HDX: variants seen among roughly 807,000 people sequenced by gnomAD.
The protein encoded by HDX is chromosome X open reading frame 43.
Under a neutral mutation model 45.2 loss-of-function variants are expected in HDX, and 19 were observed. The observed-to-expected ratio is 0.42, with a 90% CI of 0.29 to 0.62. HDX has a LOEUF of 0.62. Among genes scored for constraint, HDX ranks in the 20% least tolerant of loss-of-function variants. HDX has a pLI of 0.20. For synonymous variants in HDX, 188 were observed against 172.8 expected, an observed-to-expected ratio of 1.09 and a Z score of -0.69; for missense variants, 532 against 493.9, an observed-to-expected ratio of 1.08 and a Z score of -0.73.
intron 5 of HDX, among the ~76,000 whole-genome samples, chrX:84,383,697 C>A (rs1483596075): frequency 3.6e-5 from 4 of 111,237 alleles, no homozygotes; most frequent in East Asian, 2.8e-4. Context: ...CAATCTTTGA[C>A]CCCCTCTCTC....
At chrX:84,473,602 G>A (rs2040491449) in intron 3 of HDX, among the ~76,000 whole-genome samples, 1 of 110,680 alleles carries the variant, frequency 9.0e-6, no homozygotes, top group African/African-American at 3.3e-5. Context: ...ACCATTTTGA[G>A]CATAAATATA....
At chrX:84,436,751 A>C (rs944834620) in intron 5 of HDX, among the ~76,000 whole-genome samples, 3 of 111,795 alleles carry the variant, frequency 2.7e-5, no homozygotes, top group Non-Finnish European at 5.6e-5. Context: ...ACCTATAGTT[A>C]ATCCTAGTGA....
At chrX:84,435,198 T>A (rs991684891) in intron 5 of HDX, among the ~76,000 whole-genome samples, 28 of 111,479 alleles carry the variant, frequency 2.5e-4, no homozygotes, top group Non-Finnish European at 4.9e-4. Flanking sequence ...TTCTACTAAT[T>A]TTGGATCTGG....
chrX:84,332,505 A>C (rs1278892080), intron 9 of HDX, among the ~76,000 whole-genome samples: 1 of 110,772 alleles, frequency 9.0e-6, no homozygotes, highest in Non-Finnish European at 1.9e-5. Context: ...CTGCCACCCA[A>C]GAGGGGAGAG....
chrX:84,463,410 A>C (rs1232372970), intron 4 of HDX, among the ~76,000 whole-genome samples: 1 of 111,152 alleles, frequency 9.0e-6, no homozygotes, highest in Non-Finnish European at 1.9e-5. Flanking sequence ...AAAAGCACTA[A>C]AGTCCACAAG....
intron 6 of HDX, among the ~76,000 whole-genome samples, chrX:84,358,502 C>T (rs913557531): frequency 1.8e-5 from 2 of 111,388 alleles, no homozygotes; most frequent in African/African-American, 3.3e-5. Context: ...TCTTGCTAGA[C>T]TCTGAGCTCC....
intron 2 of HDX, among the ~76,000 whole-genome samples, chrX:84,480,843 T>A (rs1369369750): frequency 1.8e-5 from 2 of 110,931 alleles, no homozygotes; most frequent in Non-Finnish European, 3.8e-5. Context: ...ATGTATTTGG[T>A]TTTAGTACTA....
At chrX:84,395,034 A>C (rs1278537361) in intron 5 of HDX, among the ~76,000 whole-genome samples, 1 of 110,962 alleles carries the variant, frequency 9.0e-6, no homozygotes, top group African/African-American at 3.3e-5. Context: ...TTGTCATCCT[A>C]TGAATTGATT....
chrX:84,424,050 T>C (rs749946612), intron 5 of HDX, among the ~76,000 whole-genome samples: 13 of 111,418 alleles, frequency 1.2e-4, no homozygotes, highest in Non-Finnish European at 1.9e-4. Flanking sequence ...GCAGATGATA[T>C]GATCTTATAT....
At chrX:84,465,986 T>C (rs1284172871) in intron 4 of HDX, among the ~76,000 whole-genome samples, 3 of 111,378 alleles carry the variant, frequency 2.7e-5, no homozygotes, top group Admixed American at 1.9e-4. Context: ...AAAGTTGAGG[T>C]AAAGTGATTC....
chrX:84,328,207 A>ATG (rs2147760482), intron 9 of HDX, among the ~76,000 whole-genome samples: 1 of 109,460 alleles, frequency 9.1e-6, no homozygotes, highest in East Asian at 2.9e-4. Context: ...AAAAAAATAT[A>ATG]TATATATAGC....
chrX:84,399,025 C>A (rs1457802162), intron 5 of HDX, among the ~76,000 whole-genome samples: 1 of 111,343 alleles, frequency 9.0e-6, no homozygotes, highest in Non-Finnish European at 1.9e-5. Context: ...TGAATAAGAA[C>A]AAAGAAACAA....
intron 5 of HDX, among the ~76,000 whole-genome samples, chrX:84,434,235 A>G (rs1231946971): frequency 3.6e-5 from 4 of 111,011 alleles, no homozygotes; most frequent in African/African-American, 1.3e-4. Flanking sequence ...AGAATTGATA[A>G]AAGTGGGAAT....
rs761992124 is a variant in HDX, at chrX:84,435,085, T to C, written c.1305+5447A>G. The stretch of plus-strand genomic sequence containing the variant: ...CTTTCTTAGTCTAGTTAAGGATTTG[T>C]CAATTTTGCTTATCTTTTCAGAAAA... On this transcript the variant is annotated intron_variant, in intron 5 of 10. Coordinates refer to ENST00000373177, the MANE Select transcript of HDX (RefSeq NM_001177479.2). 2.7e-5 allele frequency among the ~76,000 whole-genome samples: 3 copies of C among 111,416 alleles called. No homozygotes were observed. In the East Asian group the frequency reaches 8.5e-4, roughly 31 times the overall value.
intron 4 of HDX, among the ~76,000 whole-genome samples, chrX:84,456,963 TAATCCATACAGAA>T (rs746635748): frequency 7.2e-5 from 8 of 111,257 alleles, no homozygotes; most frequent in Middle Eastern, 4.6e-3. Context: ...ACTGGACAGA[TAATCCATACAGAA>T]AATCAACAAA....
At chrX:84,474,159 G>T (rs2040502685) in intron 3 of HDX, among the ~76,000 whole-genome samples, 1 of 111,741 alleles carries the variant, frequency 8.9e-6, no homozygotes. Flanking sequence ...GGGCGTGGTG[G>T]CAGGCACCTG....
intron 5 of HDX, among the ~76,000 whole-genome samples, chrX:84,439,768 T>A (rs1163303399): frequency 1.8e-5 from 2 of 111,477 alleles, no homozygotes; most frequent in African/African-American, 6.5e-5. Flanking sequence ...TGTGTCTGTT[T>A]TAGTATCAGT....
chrX:84,435,431 G>T (rs1187559128), intron 5 of HDX, among the ~76,000 whole-genome samples: 3 of 110,659 alleles, frequency 2.7e-5, no homozygotes, highest in Admixed American at 1.9e-4. Flanking sequence ...TTGTAAATTT[G>T]TTGGAGTTCA....
intron 5 of HDX, among the ~76,000 whole-genome samples, chrX:84,403,234 A>G (rs1337051176): frequency 1.5e-5 from 1 of 68,087 alleles, no homozygotes; most frequent in Non-Finnish European, 3.5e-5. Context: ...AGCATTAAAC[A>G]TTCTAAATCT....
Sources: allele counts gnomAD v4.1 joint callset (sites outside exome capture counted in the v4.1 genomes callset), GRCh38; gene constraint gnomAD v4.1.1; transcripts MANE v1.5; gene names NCBI Gene and HGNC (gene_info 2026-07-23, HGNC 2026-07-21).